Variants in FAM227B observed in about 807,000 individuals in gnomAD.
FAM227B encodes the protein protein FAM227B.
In FAM227B, 88 loss-of-function variants were observed where a neutral mutation model predicts 73.8. The observed-to-expected ratio is 1.19, with a 90% CI of 1.00 to 1.42. The LOEUF is 1.42. Ranked by LOEUF, FAM227B falls within the 40% of genes most tolerant of loss-of-function variation. FAM227B has a pLI of 0.00. For missense variants in FAM227B, 632 were observed against 590.9 expected (o/e 1.07, Z -0.72); for synonymous variants, 210 against 190.5 (o/e 1.10, Z -0.84).
intron 11 of FAM227B, among the ~76,000 whole-genome samples, chr15:49,416,635 G>T (rs563597058): frequency 1.3e-5 from 2 of 152,104 alleles, no homozygotes; most frequent in South Asian, 2.1e-4. Flanking sequence ...AAAGCTCTTT[G>T]AATTGATAAA....
intron 3 of FAM227B, among the ~76,000 whole-genome samples, chr15:49,605,558 T>C (rs1485144951): frequency 6.6e-6 from 1 of 151,138 alleles, no homozygotes; most frequent in Non-Finnish European, 1.5e-5. Flanking sequence ...TTGGGGGATA[T>C]CCTGGTTCCT....
intron 9 of FAM227B, among the ~76,000 whole-genome samples, chr15:49,551,680 C>A (rs995174291): frequency 6.6e-6 from 1 of 152,110 alleles, no homozygotes; most frequent in East Asian, 1.9e-4. Flanking sequence ...TTTCTTTGCT[C>A]CTGTCTTACT....
chr15:49,600,350 CTTT>C (rs373443382), intron 3 of FAM227B, among the ~76,000 whole-genome samples: 3 of 127,878 alleles, frequency 2.3e-5, no homozygotes, highest in Non-Finnish European at 1.6e-5. Flanking sequence ...TTCTTTCTTT[CTTT>C]TTTTTTTTTT....
chr15:49,571,408 C>T (rs1180575865), intron 8 of FAM227B, among the ~76,000 whole-genome samples: 6 of 151,826 alleles, frequency 4.0e-5, no homozygotes, highest in African/African-American at 7.3e-5. Flanking sequence ...CATTTGGCTT[C>T]ATACTCAAAA....
At chr15:49,499,165 C>CAA (rs11355557) in intron 11 of FAM227B, among the ~76,000 whole-genome samples, 1,931 of 52,602 alleles carry the variant, frequency 0.037, no homozygotes, top group Non-Finnish European at 0.043. Flanking sequence ...GACTCCGTCT[C>CAA]AAAAAAAAAA....
intron 8 of FAM227B, among the ~76,000 whole-genome samples, chr15:49,572,403 A>T (rs1159890169): frequency 6.6e-6 from 1 of 151,918 alleles, no homozygotes; most frequent in African/African-American, 2.4e-5. Flanking sequence ...CCCTCTTTGC[A>T]CTGCTTGTGC....
At chr15:49,489,838 ATT>A (rs1314463918) in intron 11 of FAM227B, among the ~76,000 whole-genome samples, 1 of 30,572 alleles carries the variant, frequency 3.3e-5, no homozygotes, top group African/African-American at 1.4e-4. Context: ...ATATATATAT[ATT>A]TTATATATAT....
chr15:49,510,634 C>T (rs796869386), intron 10 of FAM227B, among the ~76,000 whole-genome samples: 3 of 152,066 alleles, frequency 2.0e-5, no homozygotes, highest in African/African-American at 7.2e-5. Context: ...GAGCTCCCTT[C>T]ACCAGTATTT....
At position 49,328,096 on chromosome 15, in the gene FAM227B, G is replaced by A. The variant is rs745738396; in HGVS notation, c.*472C>T. On this transcript the variant is annotated 3_prime_UTR_variant, in exon 16 of 16. Coordinates refer to ENST00000299338, the MANE Select transcript of FAM227B (RefSeq NM_152647.3). ...AGAGGAGTGATGGAAGCTTAGCACC[G>A]GAGAAGCAAAGTTTGTTTGCTACCA... The A allele has an allele frequency of 9.0e-5, 145 of 1,613,908 alleles. No individual in the cohort carries two copies. Among genetic ancestry groups the A allele is most frequent in the Middle Eastern group, 3.3e-4 (2 of 6,082 alleles).
At chr15:49,548,370 C>T (rs963435114) in intron 9 of FAM227B, among the ~76,000 whole-genome samples, 4 of 152,080 alleles carry the variant, frequency 2.6e-5, no homozygotes, top group Admixed American at 6.5e-5. Context: ...GGAATAAATG[C>T]CACTTGGTAT....
At chr15:49,513,107 TG>T (rs1364758521) in intron 10 of FAM227B, among the ~76,000 whole-genome samples, 1 of 152,170 alleles carries the variant, frequency 6.6e-6, no homozygotes, top group Non-Finnish European at 1.5e-5. Context: ...TATATTCCTT[TG>T]GGTATATATC....
chr15:49,343,122 C>T (rs945035906), intron 13 of FAM227B, among the ~76,000 whole-genome samples: 2 of 152,086 alleles, frequency 1.3e-5, no homozygotes, highest in African/African-American at 4.8e-5. Flanking sequence ...AATATGTTTT[C>T]TGTGTTGTAT....
At chr15:49,535,782 A>ACATCATAC (rs2060962166) in intron 10 of FAM227B, among the ~76,000 whole-genome samples, 1 of 151,916 alleles carries the variant, frequency 6.6e-6, no homozygotes, top group Admixed American at 6.6e-5. Flanking sequence ...TCAGTGTGAC[A>ACATCATAC]CATCATACCA....
At chr15:49,591,029 G>GTTTTTT (rs71424023) in intron 3 of FAM227B, among the ~76,000 whole-genome samples, 1 of 105,608 alleles carries the variant, frequency 9.5e-6, no homozygotes, top group South Asian at 3.2e-4. Flanking sequence ...TCTTTTTTTT[G>GTTTTTT]TTTTTTTTTT....
At chr15:49,591,486 T>C (rs1488874568) in intron 3 of FAM227B, among the ~76,000 whole-genome samples, 1 of 91,610 alleles carries the variant, frequency 1.1e-5, no homozygotes, top group African/African-American at 6.0e-5. Flanking sequence ...CTTCCTTCCT[T>C]TTTTTTTTTT....
At chr15:49,431,774 A>T (rs1377406875) in intron 11 of FAM227B, among the ~76,000 whole-genome samples, 1 of 151,806 alleles carries the variant, frequency 6.6e-6, no homozygotes, top group African/African-American at 2.4e-5. Context: ...ATCTTCTGTA[A>T]ACTTAAAATG....
intron 2 of FAM227B, chr15:49,614,844 T>G (rs2078186349): frequency 2.7e-6 from 1 of 364,528 alleles, no homozygotes. Context: ...ATGGTTACAT[T>G]TCTTCCTTGC....
At chr15:49,353,941 T>C (rs2042642881) in intron 13 of FAM227B, 1 of 152,142 alleles carries the variant, frequency 6.6e-6, no homozygotes, top group Admixed American at 6.5e-5. Context: ...TATTCACATA[T>C]TGGTTAATGG....
At chr15:49,354,962 AC>A (rs1472796284) in intron 13 of FAM227B, among the ~76,000 whole-genome samples, 1 of 151,360 alleles carries the variant, frequency 6.6e-6, no homozygotes, top group Non-Finnish European at 1.5e-5. Context: ...ACTGGGAGGC[AC>A]CCCCCAGCAG....
Sources: allele counts gnomAD v4.1 joint callset (sites outside exome capture counted in the v4.1 genomes callset), GRCh38; gene constraint gnomAD v4.1.1; transcripts MANE v1.5; gene names NCBI Gene and HGNC (gene_info 2026-07-23, HGNC 2026-07-21).